Variants in HSD17B12 observed in about 807,000 individuals in gnomAD.
HSD17B12 encodes hydroxysteroid 17-beta dehydrogenase 12.
A neutral mutation model predicts 39.3 loss-of-function variants in HSD17B12; 32 were observed. That is an observed-to-expected ratio of 0.81 (90% confidence interval 0.61 to 1.09). HSD17B12 has a LOEUF of 1.09. HSD17B12 is among the 50% of genes least tolerant of loss of function. The pLI is 0.00. For synonymous variants in HSD17B12, 150 were observed against 146.7 expected (o/e 1.02, Z -0.16); for missense variants, 342 against 382.9 (o/e 0.89, Z 0.89).
At chr11:43,776,381 G>C (rs570325447) in intron 3 of HSD17B12, among the ~76,000 whole-genome samples, 1 of 149,226 alleles carries the variant, frequency 6.7e-6, no homozygotes, top group Non-Finnish European at 1.5e-5. Context: ...TTTCATGTGT[G>C]TTTTGGCTGC....
At chr11:43,789,738 C>T (rs1950849359) in intron 3 of HSD17B12, among the ~76,000 whole-genome samples, 1 of 152,084 alleles carries the variant, frequency 6.6e-6, no homozygotes, top group Non-Finnish European at 1.5e-5. Flanking sequence ...CACTTGAGCC[C>T]AGGAGTTTGA....
At chr11:43,793,816 T>C (rs538148513) in intron 3 of HSD17B12, among the ~76,000 whole-genome samples, 76 of 152,316 alleles carry the variant, frequency 5.0e-4, no homozygotes, top group African/African-American at 1.7e-3. Flanking sequence ...CTCTTGCAGG[T>C]GATGGAATGG....
chr11:43,776,547 T>G (rs1162796542), intron 3 of HSD17B12, among the ~76,000 whole-genome samples: 1 of 152,178 alleles, frequency 6.6e-6, no homozygotes, highest in Non-Finnish European at 1.5e-5. Context: ...TTCTCCCGTT[T>G]TGTAGGTTGC....
chr11:43,734,362 G>A, intron 1 of HSD17B12: 1 of 940,918 alleles, frequency 1.1e-6, no homozygotes, highest in Non-Finnish European at 1.7e-6. Flanking sequence ...AAAAGGCTGA[G>A]CAGAGGAAAA....
At chr11:43,628,083 T>C in the HSD17B12 span, among the ~76,000 whole-genome samples, 3 of 151,924 alleles carry the variant, frequency 2.0e-5, no homozygotes, top group African/African-American at 7.2e-5. Flanking sequence ...GTCTTGTTTT[T>C]AATAGTGATA....
At chr11:43,607,166 G>T in the HSD17B12 span, among the ~76,000 whole-genome samples, 2 of 152,116 alleles carry the variant, frequency 1.3e-5, no homozygotes, top group Non-Finnish European at 2.9e-5. Context: ...GTAGGATATT[G>T]TATCCTAAAT....
Position 43,847,715 on chromosome 11 carries a change from C to CA in HSD17B12, c.685-6982dup, listed in dbSNP as rs749195210. Among the ~76,000 whole-genome samples the CA allele has an allele frequency of 1.9e-3, 164 of 85,684 alleles. 6 individuals carry two copies. Among genetic ancestry groups the CA allele is most frequent in the Admixed American group, 3.9e-3 (28 of 7,152 alleles). 56.2% of individuals were successfully genotyped at this position (85,684 alleles called of 152,430 possible). ...GGTGGCAGAGCAAGACTCTGCCTCA[C>CA]AAAAAAAAAAAAAAAAAAGAGAAAT... On this transcript the variant is annotated intron_variant, in intron 9 of 10. Coordinates refer to ENST00000278353, the MANE Select transcript of HSD17B12 (RefSeq NM_016142.3).
chr11:43,721,933 G>A (rs1376935701), intron 1 of HSD17B12, among the ~76,000 whole-genome samples: 1 of 152,172 alleles, frequency 6.6e-6, no homozygotes, highest in East Asian at 1.9e-4. Context: ...GTAGGATGTT[G>A]TAAAGGAGGC....
At chr11:43,623,225 AATGCAGGATTCC>A in the HSD17B12 span, among the ~76,000 whole-genome samples, 1 of 152,128 alleles carries the variant, frequency 6.6e-6, no homozygotes, top group African/African-American at 2.4e-5. Context: ...AATGACTTAA[AATGCAGGATTCC>A]ATGAAAGTCT....
intron 7 of HSD17B12, 121 bp from the exon 8 acceptor site, chr11:43,838,196 T>C (rs183354648): frequency 8.4e-6 from 6 of 711,310 alleles, no homozygotes; most frequent in African/African-American, 1.8e-5. Flanking sequence ...CAGGGAGAGA[T>C]ATGTGGTAGA....
At chr11:43,629,409 A>T in the HSD17B12 span, among the ~76,000 whole-genome samples, 1 of 152,182 alleles carries the variant, frequency 6.6e-6, no homozygotes, top group East Asian at 1.9e-4. Flanking sequence ...TTACCTTCAG[A>T]GAGCTACTAT....
At chr11:43,775,112 G>A (rs560931795) in intron 3 of HSD17B12, among the ~76,000 whole-genome samples, 189 of 152,220 alleles carry the variant, frequency 1.2e-3, no homozygotes, top group African/African-American at 4.3e-3. Context: ...GTTATGTGAC[G>A]GGGAATGGCA....
the HSD17B12 span, among the ~76,000 whole-genome samples, chr11:43,641,932 CTG>C: frequency 6.6e-6 from 1 of 151,790 alleles, no homozygotes; most frequent in African/African-American, 2.4e-5. Context: ...ATTATAGAAT[CTG>C]TTGTAAATAT....
the HSD17B12 span, among the ~76,000 whole-genome samples, chr11:43,565,350 G>C: frequency 2.0e-5 from 3 of 152,172 alleles, no homozygotes; most frequent in Non-Finnish European, 4.4e-5. Flanking sequence ...GAGCAGCCAA[G>C]CTAATTAGAG....
chr11:43,756,748 C>A (rs943712917), intron 3 of HSD17B12, among the ~76,000 whole-genome samples: 1 of 152,190 alleles, frequency 6.6e-6, no homozygotes, highest in Non-Finnish European at 1.5e-5. Context: ...TCAGCAAGTA[C>A]TGCAGCCTGT....
At chr11:43,707,071 C>T (rs946427696) in intron 1 of HSD17B12, among the ~76,000 whole-genome samples, 5 of 151,946 alleles carry the variant, frequency 3.3e-5, no homozygotes, top group Admixed American at 6.6e-5. Flanking sequence ...GAAGTTATAT[C>T]GTCTATTCTT....
chr11:43,702,018 A>G (rs187184600), intron 1 of HSD17B12, among the ~76,000 whole-genome samples: 1 of 152,162 alleles, frequency 6.6e-6, no homozygotes, highest in East Asian at 1.9e-4. Context: ...TCAGTGTTTT[A>G]TAGTTTTTAT....
intron 3 of HSD17B12, among the ~76,000 whole-genome samples, chr11:43,769,307 A>T (rs558690012): frequency 1.8e-4 from 28 of 152,366 alleles, no homozygotes; most frequent in African/African-American, 6.7e-4. Context: ...GTAACTAAAG[A>T]AAGCTAAACA....
chr11:43,776,589 T>G (rs896783313), intron 3 of HSD17B12, among the ~76,000 whole-genome samples: 1 of 152,250 alleles, frequency 6.6e-6, no homozygotes, highest in African/African-American at 2.4e-5. Flanking sequence ...TCTTTTGCTG[T>G]GCAGAAGCTC....
Sources: gnomAD v4.1 joint callset for allele counts (sites outside exome capture counted in the v4.1 genomes callset) on GRCh38, gnomAD v4.1.1 for gene constraint, MANE v1.5 for transcripts, NCBI Gene and HGNC (gene_info 2026-07-23, HGNC 2026-07-21) for gene names.